MGMT: variants seen among roughly 807,000 people sequenced by gnomAD.
The protein encoded by MGMT is O-6-methylguanine-DNA methyltransferase.
In MGMT, 14 loss-of-function variants were observed where a neutral mutation model predicts 15.9. The ratio of observed to expected loss-of-function variants is 0.88; its 90% CI spans 0.58 to 1.37. The LOEUF (loss-of-function observed/expected upper bound fraction) is 1.37, where lower values mean the gene tolerates loss of function less well. Among genes scored for constraint, MGMT ranks in the 40% most tolerant of loss-of-function variants. The pLI, the probability that MGMT is intolerant of heterozygous loss-of-function variation, is 0.00. For missense variants in MGMT, 282 were observed against 268.1 expected (o/e 1.05, Z -0.36); for synonymous variants, 130 against 118.2 (o/e 1.10, Z -0.65).
At chr10:129,488,162 T>A (rs937107354) in intron 1 of MGMT, among the ~76,000 whole-genome samples, 7 of 152,224 alleles carry the variant, frequency 4.6e-5, no homozygotes, top group African/African-American at 1.7e-4. Flanking sequence ...CAGTGTTCAA[T>A]GCTACAGGAC....
intron 1 of MGMT, among the ~76,000 whole-genome samples, chr10:129,503,182 G>A (rs1180767574): frequency 6.6e-6 from 1 of 151,898 alleles, no homozygotes; most frequent in Non-Finnish European, 1.5e-5. Context: ...AAGAATGATG[G>A]ATGATGCAGG....
At chr10:129,722,040 T>C (rs535223660) in intron 3 of MGMT, among the ~76,000 whole-genome samples, 153 of 151,454 alleles carry the variant, frequency 1.0e-3, no homozygotes, top group Non-Finnish European at 1.5e-3. Context: ...TAATGTAAAA[T>C]GATGACAGAG....
At chr10:129,513,002 C>T (rs1207522837) in intron 1 of MGMT, among the ~76,000 whole-genome samples, 4 of 152,214 alleles carry the variant, frequency 2.6e-5, no homozygotes, top group East Asian at 1.9e-4. Flanking sequence ...CACACACAAA[C>T]GTCTATCTGT....
At chr10:129,705,903 C>T (rs2133140170) in intron 2 of MGMT, among the ~76,000 whole-genome samples, 1 of 152,284 alleles carries the variant, frequency 6.6e-6, no homozygotes, top group African/African-American at 2.4e-5. Context: ...GGGCAACAGC[C>T]CCATCCACAC....
intron 3 of MGMT, among the ~76,000 whole-genome samples, chr10:129,744,670 G>A (rs1848673594): frequency 6.6e-6 from 1 of 152,170 alleles, no homozygotes; most frequent in Admixed American, 6.5e-5. Context: ...CCAGCCAGTG[G>A]GGCTGCAGGC....
chr10:129,626,172 A>T (rs958924746), intron 2 of MGMT, among the ~76,000 whole-genome samples: 6 of 152,144 alleles, frequency 3.9e-5, no homozygotes, highest in Non-Finnish European at 7.3e-5. Context: ...GCTTGGGAAG[A>T]GCCACTGGAG....
At chr10:129,640,805 C>G (rs1183789081) in intron 2 of MGMT, among the ~76,000 whole-genome samples, 1 of 152,084 alleles carries the variant, frequency 6.6e-6, no homozygotes, top group East Asian at 1.9e-4. Flanking sequence ...TAAGACTGTT[C>G]AGTATTTCAC....
intron 2 of MGMT, among the ~76,000 whole-genome samples, chr10:129,651,206 C>T (rs555654383): frequency 6.6e-6 from 1 of 152,332 alleles, no homozygotes; most frequent in South Asian, 2.1e-4. Flanking sequence ...GAGGCTCCTG[C>T]CCCGTAGCTC....
chr10:129,707,182 C>A (rs2133141763), intron 2 of MGMT, among the ~76,000 whole-genome samples: 1 of 152,114 alleles, frequency 6.6e-6, no homozygotes, highest in Middle Eastern at 3.4e-3. Context: ...GAAGATGAGG[C>A]AGAAGAATCA....
chr10:129,497,598 C>T (rs777125891), intron 1 of MGMT, among the ~76,000 whole-genome samples: 5 of 152,304 alleles, frequency 3.3e-5, no homozygotes, highest in South Asian at 4.1e-4. Flanking sequence ...ACAACCAGGG[C>T]GCTAACACGG....
In MGMT at chr10:129,533,473, A is replaced by G. The variant is rs1845954123; in HGVS notation, c.-12-2768A>G. ...TAGAGCAGCAAACATGGCTCCATGG[A>G]GAGCGAAACCCAAGCTGGGCTGTTT... On this transcript the variant is annotated intron_variant, in intron 1 of 4. Coordinates refer to ENST00000651593, the MANE Select transcript of MGMT (RefSeq NM_002412.5). This position sits in a 1 kb window ranked among gnomAD's most constrained non-coding sequence, Gnocchi z 4.5. Among the ~76,000 whole-genome samples, 1 of 152,146 alleles carries G rather than the reference A, an allele frequency of 6.6e-6. No individual in the cohort carries two copies. The highest frequency in any genetic ancestry group is 6.5e-5 in the Admixed American group (1 of 15,274).
intron 2 of MGMT, among the ~76,000 whole-genome samples, chr10:129,676,844 A>G (rs1233645219): frequency 6.6e-6 from 1 of 152,222 alleles, no homozygotes; most frequent in Non-Finnish European, 1.5e-5. Flanking sequence ...AGAATTCTGT[A>G]TAGCATAAAG....
At chr10:129,485,505 A>C (rs1845399428) in intron 1 of MGMT, among the ~76,000 whole-genome samples, 1 of 152,200 alleles carries the variant, frequency 6.6e-6, no homozygotes, top group South Asian at 2.1e-4. Flanking sequence ...GAGCACCCCT[A>C]ATTCAAAATC....
At chr10:129,494,069 T>A (rs2119662298) in intron 1 of MGMT, among the ~76,000 whole-genome samples, 1 of 152,346 alleles carries the variant, frequency 6.6e-6, no homozygotes, top group Non-Finnish European at 1.5e-5. Context: ...CAATTTCATA[T>A]CTGAGACTCT....
chr10:129,708,421 C>T (rs577268834), intron 3 of MGMT, among the ~76,000 whole-genome samples: 1 of 152,310 alleles, frequency 6.6e-6, no homozygotes, highest in South Asian at 2.1e-4. Flanking sequence ...TGTGCGTGGA[C>T]ATTTAGCTAT....
intron 2 of MGMT, among the ~76,000 whole-genome samples, chr10:129,664,789 A>G (rs1050824409): frequency 2.6e-5 from 4 of 152,334 alleles, no homozygotes; most frequent in South Asian, 4.1e-4. Flanking sequence ...TGGGCAAAAC[A>G]TTGGAACAGG....
At chr10:129,766,643 C>T in intron 4 of MGMT, 145 bp from the exon 5 acceptor site, 1 of 687,640 alleles carries the variant, frequency 1.5e-6, no homozygotes, top group South Asian at 1.9e-5. Flanking sequence ...ACATAGCTGA[C>T]ACCCACCCAT....
chr10:129,655,706 G>C (rs1010196548), intron 2 of MGMT, among the ~76,000 whole-genome samples: 18 of 152,166 alleles, frequency 1.2e-4, no homozygotes, highest in Admixed American at 6.5e-4. Context: ...GGCAGGAAGG[G>C]AGCTGTTCCT....
intron 1 of MGMT, among the ~76,000 whole-genome samples, chr10:129,531,386 C>T (rs1197455643): frequency 6.6e-6 from 1 of 152,116 alleles, no homozygotes; most frequent in Non-Finnish European, 1.5e-5. Context: ...TGGTTTCACT[C>T]CTGTCAGGTT....
Sources: gnomAD v4.1 joint callset for allele counts (sites outside exome capture counted in the v4.1 genomes callset) on GRCh38, gnomAD v4.1.1 for gene constraint, Gnocchi (gnomAD v3.1) non-coding constraint, MANE v1.5 for transcripts, NCBI Gene and HGNC (gene_info 2026-07-23, HGNC 2026-07-21) for gene names.